Variants in ROBO2 observed in about 807,000 individuals in gnomAD.
ROBO2 encodes roundabout guidance receptor 2.
In ROBO2, 53 loss-of-function variants were observed where a neutral mutation model predicts 160.8. That is an observed-to-expected ratio of 0.33 (90% CI 0.26 to 0.41). ROBO2 has a LOEUF of 0.41. Among genes scored for constraint, ROBO2 ranks in the 10% least tolerant of loss-of-function variants. The probability of loss-of-function intolerance (pLI) is 1.00; values close to 1 mark genes in which losing one functional copy is unlikely to be tolerated. For missense variants in ROBO2, 1,577 were observed against 1,722.4 expected (o/e 0.92, Z 1.49); for synonymous variants, 664 against 611.7 (o/e 1.09, Z -1.26).
chr3:77,132,225 G>C (rs1322735864), intron 2 of ROBO2, among the ~76,000 whole-genome samples: 1 of 151,982 alleles, frequency 6.6e-6, no homozygotes, highest in Non-Finnish European at 1.5e-5. Flanking sequence ...TAATAATATT[G>C]TAATACTGTA....
chr3:76,254,026 C>A (rs1706203147), intron 2 of ROBO2, among the ~76,000 whole-genome samples: 2 of 151,958 alleles, frequency 1.3e-5, no homozygotes, highest in South Asian at 4.2e-4. Context: ...TCATTAATAG[C>A]AATCTATAGC....
intron 2 of ROBO2, among the ~76,000 whole-genome samples, chr3:76,801,407 A>AG (rs2064186704): frequency 6.6e-6 from 1 of 152,166 alleles, no homozygotes; most frequent in Non-Finnish European, 1.5e-5. Flanking sequence ...AGAATAACTG[A>AG]GGGAGTACAA....
chr3:76,215,162 A>G (rs1468904837), intron 2 of ROBO2, among the ~76,000 whole-genome samples: 2 of 152,212 alleles, frequency 1.3e-5, no homozygotes, highest in Non-Finnish European at 2.9e-5. Context: ...CCCCATCTGT[A>G]TGTCACCATC....
At chr3:76,041,533 A>G (rs957842941) in intron 2 of ROBO2, among the ~76,000 whole-genome samples, 1 of 152,048 alleles carries the variant, frequency 6.6e-6, no homozygotes, top group Non-Finnish European at 1.5e-5. Flanking sequence ...CTTAAGAAAC[A>G]TATGTGTATT....
At chr3:77,463,661 G>A (rs940707353) in intron 2 of ROBO2, among the ~76,000 whole-genome samples, 1 of 151,940 alleles carries the variant, frequency 6.6e-6, no homozygotes, top group Non-Finnish European at 1.5e-5. Flanking sequence ...TTTCACTGCA[G>A]CCTTGACCAC....
At chr3:76,304,644 TAGAG>T (rs1228017687) in intron 2 of ROBO2, among the ~76,000 whole-genome samples, 7 of 151,552 alleles carry the variant, frequency 4.6e-5, no homozygotes, top group Middle Eastern at 6.8e-3. Context: ...GGAAAGTAGT[TAGAG>T]AGTCACACAG....
chr3:77,229,555 G>A (rs565959278), intron 2 of ROBO2, among the ~76,000 whole-genome samples: 1 of 152,066 alleles, frequency 6.6e-6, no homozygotes, highest in African/African-American at 2.4e-5. Context: ...CAGCCACTTG[G>A]GAGGCTGAGG....
intron 2 of ROBO2, among the ~76,000 whole-genome samples, chr3:77,248,442 C>T (rs902365905): frequency 2.0e-5 from 3 of 152,160 alleles, no homozygotes; most frequent in Non-Finnish European, 4.4e-5. Flanking sequence ...ACTGACCCTC[C>T]GCTGAGCTGC....
chr3:76,290,149 G>A (rs1222620441), intron 2 of ROBO2, among the ~76,000 whole-genome samples: 1 of 151,888 alleles, frequency 6.6e-6, no homozygotes, highest in East Asian at 1.9e-4. Flanking sequence ...TCCATTTCAT[G>A]AAATGATTTC....
chr3:75,937,530 TGGACATGGGCTCCG>T lies in ROBO2; in HGVS notation c.42_55del (p.Trp15ValfsTer41), dbSNP rs1947839463. 1 of 1,579,028 alleles carries T rather than the reference TGGACATGGGCTCCG, an allele frequency of 6.3e-7. No individual in the cohort carries two copies. On this transcript the variant is annotated frameshift_variant, in exon 2 of 27. Coordinates refer to the ROBO2 transcript ENST00000487694. LOFTEE classifies it high-confidence loss of function. ...ACATGAACGTGTCACTAGAAGGATG[TGGACATGGGCTCCG>T]GGACTGTTGATGATGACTGTGGTGT...
intron 2 of ROBO2, among the ~76,000 whole-genome samples, chr3:76,712,266 T>C (rs1195521933): frequency 6.6e-6 from 1 of 152,002 alleles, no homozygotes; most frequent in East Asian, 1.9e-4. Flanking sequence ...GTCCTTGTGA[T>C]TTCTGTGTGC....
At chr3:76,293,319 A>C (rs1193323064) in intron 2 of ROBO2, among the ~76,000 whole-genome samples, 1 of 152,204 alleles carries the variant, frequency 6.6e-6, no homozygotes, top group African/African-American at 2.4e-5. Flanking sequence ...CAAGGAACTG[A>C]ATCTAATCTC....
intron 2 of ROBO2, among the ~76,000 whole-genome samples, chr3:76,424,841 G>A (rs980809173): frequency 6.6e-6 from 1 of 152,142 alleles, no homozygotes; most frequent in Non-Finnish European, 1.5e-5. Flanking sequence ...CTACAATAAA[G>A]TGATCAACAT....
At chr3:77,403,537 G>A (rs2075993099) in intron 2 of ROBO2, among the ~76,000 whole-genome samples, 1 of 149,856 alleles carries the variant, frequency 6.7e-6, no homozygotes, top group Non-Finnish European at 1.5e-5. Context: ...TGAATGACAG[G>A]ATGCCCTTGT....
chr3:76,618,450 A>AT (rs1560243883), intron 2 of ROBO2, among the ~76,000 whole-genome samples: 18 of 150,064 alleles, frequency 1.2e-4, no homozygotes. Flanking sequence ...TATATATATA[A>AT]ATATATATAT....
chr3:76,224,046 C>T (rs1704137890), intron 2 of ROBO2, among the ~76,000 whole-genome samples: 1 of 152,188 alleles, frequency 6.6e-6, no homozygotes, highest in Admixed American at 6.5e-5. Flanking sequence ...CATCCAGAAG[C>T]TCCAAATTCA....
chr3:77,411,812 G>A (rs1167146334), intron 2 of ROBO2, among the ~76,000 whole-genome samples: 1 of 152,164 alleles, frequency 6.6e-6, no homozygotes. Flanking sequence ...AGACAGGTAT[G>A]AGCATGGCAT....
intron 2 of ROBO2, among the ~76,000 whole-genome samples, chr3:76,102,800 G>A (rs1169783277): frequency 6.6e-6 from 1 of 151,270 alleles, no homozygotes; most frequent in Non-Finnish European, 1.5e-5. Context: ...ATGAGATGAA[G>A]GAATATGTTT....
chr3:76,466,064 T>C (rs1034402303), intron 2 of ROBO2, among the ~76,000 whole-genome samples: 3 of 151,258 alleles, frequency 2.0e-5, no homozygotes, highest in Non-Finnish European at 3.0e-5. Flanking sequence ...ATACAATATA[T>C]ACTTCATGTA....
Sources: allele counts gnomAD v4.1 joint callset (sites outside exome capture counted in the v4.1 genomes callset), GRCh38; gene constraint gnomAD v4.1.1; transcripts MANE v1.5; gene names NCBI Gene and HGNC (gene_info 2026-07-23, HGNC 2026-07-21).